ZC4H2: variants seen among roughly 807,000 people sequenced by gnomAD.
ZC4H2 encodes the protein zinc finger C4H2 domain-containing protein.
For synonymous variants in ZC4H2, 84 were observed against 66.3 expected (o/e 1.27, Z -1.30); for missense variants, 137 against 173.9 (o/e 0.79, Z 1.19).
chrX:64,996,796 A>G (rs1932422726), intron 1 of ZC4H2, among the ~76,000 whole-genome samples: 1 of 111,240 alleles, frequency 9.0e-6, no homozygotes, highest in Non-Finnish European at 1.9e-5. Flanking sequence ...AGTCCTAAGA[A>G]CCACAAACAG....
chrX:65,003,498 G>A (rs941328684), intron 1 of ZC4H2, among the ~76,000 whole-genome samples: 7 of 111,621 alleles, frequency 6.3e-5, no homozygotes, highest in South Asian at 3.7e-4. Flanking sequence ...GAAGAAGCTC[G>A]TTTTTTGAAA....
intron 1 of ZC4H2, among the ~76,000 whole-genome samples, chrX:65,018,461 C>T (rs1421680843): frequency 8.9e-6 from 1 of 111,922 alleles, no homozygotes; most frequent in Admixed American, 9.5e-5. Context: ...CAAGAGAAAC[C>T]GTGAGAGACT....
chrX:64,946,872 G>T (rs1319636479), intron 1 of ZC4H2, among the ~76,000 whole-genome samples: 1 of 111,092 alleles, frequency 9.0e-6, no homozygotes, highest in Non-Finnish European at 1.9e-5. Flanking sequence ...ATTAGTTTCT[G>T]TTTTTTGCTT....
intron 4 of ZC4H2, 148 bp downstream of exon 4, chrX:64,918,894 C>T (rs1258546052): frequency 2.9e-6 from 2 of 686,837 alleles, no homozygotes; most frequent in Non-Finnish European, 4.1e-6. Flanking sequence ...CACAGCACAC[C>T]CATGTCACCC....
chrX:64,980,136 T>C (rs778105900), upstream of ZC4H2, among the ~76,000 whole-genome samples: 14 of 112,296 alleles, frequency 1.2e-4, no homozygotes, highest in Non-Finnish European at 2.1e-4. Context: ...TTAATCAGCA[T>C]TTCTAAGAGA....
rs1371905844 is a variant in ZC4H2, at chrX:64,997,627, A to G, written c.-272+37002T>C. On this transcript the variant is annotated intron_variant, in intron 1 of 4. Coordinates refer to the ZC4H2 transcript ENST00000337990. The stretch of plus-strand genomic sequence containing the variant: ...ATATATAGTGGCATTTATTTTTTTG[A>G]GACAAGGTCTTGACCTATTGCCCAG... 3.6e-5 allele frequency among the ~76,000 whole-genome samples: 4 copies of G among 112,331 alleles called. No homozygotes were observed. The East Asian group carries it at 1.1e-3, about 31-fold the overall frequency.
intron 1 of ZC4H2, among the ~76,000 whole-genome samples, chrX:64,946,533 T>C (rs1243598805): frequency 9.1e-6 from 1 of 109,298 alleles, no homozygotes; most frequent in Non-Finnish European, 1.9e-5. Context: ...ATCAGAGCTG[T>C]TCCTATTCAG....
chrX:64,959,512 C>A (rs1931291960), intron 1 of ZC4H2, among the ~76,000 whole-genome samples: 1 of 106,222 alleles, frequency 9.4e-6, no homozygotes. Flanking sequence ...ACATTTTATA[C>A]AAATTGAAAG....
chrX:64,954,380 ATATT>A (rs1931062572), intron 1 of ZC4H2, among the ~76,000 whole-genome samples: 1 of 75,700 alleles, frequency 1.3e-5, no homozygotes. Context: ...ATAATTATAT[ATATT>A]TATAATTATA....
At chrX:64,920,337 G>T (rs1338126879) in intron 2 of ZC4H2, 84 bp from the exon 3 acceptor site, 2 of 1,016,805 alleles carry the variant, frequency 2.0e-6, no homozygotes, top group Non-Finnish European at 2.7e-6. Context: ...AATAGCACAA[G>T]CTCCAGAACT....
chrX:64,937,871 G>T, intron 1 of ZC4H2, among the ~76,000 whole-genome samples: 1 of 111,430 alleles, frequency 9.0e-6, no homozygotes, highest in Non-Finnish European at 1.9e-5. Flanking sequence ...ACAATGAAAA[G>T]AACTAGAGAA....
intron 1 of ZC4H2, among the ~76,000 whole-genome samples, chrX:64,955,570 C>G (rs182900927): frequency 9.0e-5 from 10 of 111,532 alleles, no homozygotes; most frequent in Admixed American, 8.6e-4. Flanking sequence ...CCCAGTGAAG[C>G]CCTTAAAGTA....
In ZC4H2 at chrX:64,954,322, ATATATATATATATATAAT is replaced by A. The variant is rs1241200055; in HGVS notation, c.53+21985_53+22002del. On this transcript the variant is annotated intron_variant, in intron 1 of 4. Transcript: ENST00000374839. ...ACCCTAAAACTTAAAGTATAATTAT[ATATATATATATATATAAT>A]TATATATATATATAATTATATATAT... 7.3e-5 allele frequency among the ~76,000 whole-genome samples: 5 copies of A among 68,238 alleles called. No homozygotes were observed. In the Admixed American group the frequency reaches 7.6e-4, roughly 10 times the overall value. 59.3% of individuals were successfully genotyped at this position (68,238 alleles called of 115,157 possible). A position where few individuals can be genotyped will look rare whatever the true frequency, so the allele number is the denominator to read the frequency against.
chrX:64,933,386 T>C (rs1929843236), intron 1 of ZC4H2, among the ~76,000 whole-genome samples: 1 of 111,958 alleles, frequency 8.9e-6, no homozygotes, highest in African/African-American at 3.2e-5. Context: ...TTGGATCCAA[T>C]GCTGGGGAGC....
chrX:64,958,416 T>C (rs1931247384), intron 1 of ZC4H2, among the ~76,000 whole-genome samples: 1 of 112,015 alleles, frequency 8.9e-6, no homozygotes, highest in Non-Finnish European at 1.9e-5. Flanking sequence ...TGTGTATATA[T>C]GTACATATAT....
chrX:64,996,682 C>T (rs1302127213), intron 1 of ZC4H2, among the ~76,000 whole-genome samples: 2 of 111,036 alleles, frequency 1.8e-5, no homozygotes, highest in African/African-American at 6.5e-5. Context: ...CTGAAAAGTA[C>T]AATAACTGAA....
At chrX:64,922,106 C>A in intron 1 of ZC4H2, 118 bp from the exon 2 acceptor site, 1 of 1,101,623 alleles carries the variant, frequency 9.1e-7, no homozygotes, top group East Asian at 3.3e-5. Flanking sequence ...GCAGAGCCAA[C>A]CTGAGGCCAT....
chrX:64,970,210 G>C (rs1931729210), intron 1 of ZC4H2, among the ~76,000 whole-genome samples: 1 of 112,170 alleles, frequency 8.9e-6, no homozygotes, highest in Non-Finnish European at 1.9e-5. Flanking sequence ...TGCTCAACTG[G>C]AAACAAAGCT....
intron 1 of ZC4H2, among the ~76,000 whole-genome samples, chrX:64,968,502 C>T (rs924700705): frequency 8.9e-6 from 1 of 111,735 alleles, no homozygotes; most frequent in African/African-American, 3.3e-5. Flanking sequence ...GAAAGTAGGA[C>T]TCAGTGTAGC....
Sources: allele counts gnomAD v4.1 joint callset (sites outside exome capture counted in the v4.1 genomes callset), GRCh38; gene constraint gnomAD v4.1.1; transcripts MANE v1.5; gene names NCBI Gene and HGNC (gene_info 2026-07-23, HGNC 2026-07-21).